The following RAD51B variants were observed in gnomAD, a reference collection of about 807,000 sequenced individuals.
The protein encoded by RAD51B is DNA repair protein RAD51 homolog 2.
A neutral mutation model predicts 42.2 loss-of-function variants in RAD51B; 38 were observed. The ratio of observed to expected loss-of-function variants is 0.90; its 90% confidence interval spans 0.70 to 1.18. The LOEUF (loss-of-function observed/expected upper bound fraction) is 1.18, where lower values mean the gene tolerates loss of function less well. Ranked by LOEUF, RAD51B falls within the 50% of genes most tolerant of loss-of-function variation. The pLI is 0.00. For missense variants in RAD51B, 373 were observed against 400.7 expected (o/e 0.93, Z 0.59); for synonymous variants, 154 against 145.2 (o/e 1.06, Z -0.43).
intron 10 of RAD51B, among the ~76,000 whole-genome samples, chr14:68,605,423 TAC>T (rs1280805093): frequency 1.3e-5 from 2 of 152,250 alleles, no homozygotes; most frequent in African/African-American, 2.4e-5. Flanking sequence ...TTTTATTCCT[TAC>T]ACAGTTTGTC....
At chr14:68,198,321 CT>C (rs1394151984) in intron 7 of RAD51B, among the ~76,000 whole-genome samples, 2 of 152,130 alleles carry the variant, frequency 1.3e-5, no homozygotes, top group East Asian at 3.8e-4. Flanking sequence ...TACACCACTC[CT>C]ATGTTGCTTA....
At chr14:68,616,328 AT>A (rs1439882069), downstream of RAD51B, among the ~76,000 whole-genome samples, 1 of 152,048 alleles carries the variant, frequency 6.6e-6, no homozygotes, top group Non-Finnish European at 1.5e-5. Flanking sequence ...CTAAGCTTTC[AT>A]TTATCTCAAA....
chr14:68,492,109 T>C (rs971508306), intron 10 of RAD51B, among the ~76,000 whole-genome samples: 2 of 152,176 alleles, frequency 1.3e-5, no homozygotes, highest in Non-Finnish European at 2.9e-5. Context: ...TTCTCCAGAG[T>C]ACCATAGCTG....
chr14:67,935,094 A>G (rs2044887681), intron 7 of RAD51B, among the ~76,000 whole-genome samples: 1 of 152,192 alleles, frequency 6.6e-6, no homozygotes, highest in South Asian at 2.1e-4. Flanking sequence ...GCAGGTGGTG[A>G]GTGCTCAATA....
intron 8 of RAD51B, among the ~76,000 whole-genome samples, chr14:68,303,997 C>A (rs1039279678): frequency 4.6e-5 from 7 of 152,096 alleles, no homozygotes; most frequent in Admixed American, 3.3e-4. Flanking sequence ...TGGCGAAACA[C>A]CATCTCTATG....
At chr14:68,193,742 C>A (rs934157912) in intron 7 of RAD51B, among the ~76,000 whole-genome samples, 2 of 152,162 alleles carry the variant, frequency 1.3e-5, no homozygotes, top group African/African-American at 2.4e-5. Flanking sequence ...CTGTTTTGAC[C>A]AAGTCAAGTT....
rs546220144 is a variant in RAD51B, at chr14:68,248,763, T to C, written c.757-43121T>C. Among the ~76,000 whole-genome samples the C allele has an allele frequency of 5.9e-5, 9 of 152,364 alleles. No homozygotes were observed. The South Asian group carries it at 1.9e-3, about 32-fold the overall frequency. On this transcript the variant is annotated intron_variant, in intron 7 of 10. Transcript: ENST00000471583. ...TCTAAAACGTATGCTTCCAAGATACTGTCTTTAAGATTTCCATCTTTCTTT... is the reference window on the plus strand; with the variant it reads ...TCTAAAACGTATGCTTCCAAGATACCGTCTTTAAGATTTCCATCTTTCTTT...
At chr14:68,671,219 G>A (rs1893150832) in intron 11 of RAD51B, among the ~76,000 whole-genome samples, 1 of 152,236 alleles carries the variant, frequency 6.6e-6, no homozygotes, top group South Asian at 2.1e-4. Context: ...AGGTGGGCCA[G>A]TTGAGGAAGG....
At chr14:68,160,245 A>G (rs1460247858) in intron 7 of RAD51B, among the ~76,000 whole-genome samples, 1 of 152,174 alleles carries the variant, frequency 6.6e-6, no homozygotes, top group African/African-American at 2.4e-5. Flanking sequence ...AGATCTTAAT[A>G]ATCATCTGGT....
At chr14:68,176,823 C>T (rs2140873157) in intron 7 of RAD51B, among the ~76,000 whole-genome samples, 1 of 152,270 alleles carries the variant, frequency 6.6e-6, no homozygotes, top group South Asian at 2.1e-4. Flanking sequence ...GGAACAATAT[C>T]ACCCAGGTAT....
intron 7 of RAD51B, among the ~76,000 whole-genome samples, chr14:67,959,486 A>T (rs2140225930): frequency 6.6e-6 from 1 of 152,124 alleles, no homozygotes; most frequent in Admixed American, 6.5e-5. Flanking sequence ...TGACCTTGTG[A>T]TCCTCCTGCC....
intron 8 of RAD51B, among the ~76,000 whole-genome samples, chr14:68,396,847 T>C (rs1395478111): frequency 6.6e-6 from 1 of 152,130 alleles, no homozygotes; most frequent in Non-Finnish European, 1.5e-5. Flanking sequence ...GAGGGGGTAG[T>C]TTCCATGCAT....
At chr14:68,429,560 A>G (rs182951966) in intron 9 of RAD51B, among the ~76,000 whole-genome samples, 147 of 152,286 alleles carry the variant, frequency 9.7e-4, no homozygotes, top group Admixed American at 3.1e-3. Flanking sequence ...CTTCTTTTGA[A>G]AAGTGTCTGT....
At chr14:67,837,156 T>TACACACACAC (rs774191786) in intron 4 of RAD51B, among the ~76,000 whole-genome samples, 1 of 150,488 alleles carries the variant, frequency 6.6e-6, no homozygotes, top group Non-Finnish European at 1.5e-5. Flanking sequence ...CACACACACA[T>TACACACACAC]ACACACACAC....
intron 10 of RAD51B, among the ~76,000 whole-genome samples, chr14:68,516,053 A>G (rs950140449): frequency 6.6e-6 from 1 of 152,052 alleles, no homozygotes; most frequent in African/African-American, 2.4e-5. Context: ...CCAAAGTGCT[A>G]GGATTACGGG....
chr14:68,570,873 CCACACACA>C (rs9323516), intron 10 of RAD51B, among the ~76,000 whole-genome samples: 2 of 150,238 alleles, frequency 1.3e-5, no homozygotes, highest in African/African-American at 4.9e-5. Context: ...GGCTGGAGCG[CCACACACA>C]CACACACACA....
In RAD51B at chr14:68,455,046, C is replaced by T. The variant is rs1216855972; in HGVS notation, c.958-13126C>T. On this transcript the variant is annotated intron_variant, in intron 9 of 10. Coordinates refer to ENST00000471583, the MANE Select transcript of RAD51B (RefSeq NM_133510.4). The stretch of plus-strand genomic sequence containing the variant: ...ATATGGCTTGATGGAGTATTGAATG[C>T]ATGCCCCAACATACACACACACAGG... Among the ~76,000 whole-genome samples, 3 of 145,276 alleles carry T rather than the reference C, an allele frequency of 2.1e-5. 1 individual carries two copies. In the East Asian group the frequency reaches 5.8e-4, roughly 28 times the overall value.
At chr14:67,904,561 T>C (rs1240100768) in intron 7 of RAD51B, among the ~76,000 whole-genome samples, 2 of 149,014 alleles carry the variant, frequency 1.3e-5, no homozygotes, top group Non-Finnish European at 3.0e-5. Flanking sequence ...GCCAGGCTGG[T>C]GTGCAGAGGT....
At chr14:67,989,535 G>A (rs1401219346) in intron 7 of RAD51B, among the ~76,000 whole-genome samples, 2 of 151,014 alleles carry the variant, frequency 1.3e-5, no homozygotes, top group African/African-American at 4.9e-5. Context: ...CTACTCAGGA[G>A]GCTGAGGCAG....
Sources: gnomAD v4.1 joint callset for allele counts (sites outside exome capture counted in the v4.1 genomes callset) on GRCh38, gnomAD v4.1.1 for gene constraint, MANE v1.5 for transcripts, NCBI Gene and HGNC (gene_info 2026-07-23, HGNC 2026-07-21) for gene names.